The following PLEKHM1 variants were observed in gnomAD, a reference collection of about 807,000 sequenced individuals.
The protein encoded by PLEKHM1 is pleckstrin homology and RUN domain containing M1.
Under a neutral mutation model 94.3 loss-of-function variants are expected in PLEKHM1, and 28 were observed. The ratio of observed to expected loss-of-function variants is 0.30; its 90% confidence interval spans 0.22 to 0.41. The LOEUF (loss-of-function observed/expected upper bound fraction) is 0.41, where lower values mean the gene tolerates loss of function less well. PLEKHM1 is among the 10% of genes least tolerant of loss of function. The pLI is 1.00. For synonymous variants in PLEKHM1, 424 were observed against 581.2 expected (o/e 0.73, Z 3.89); for missense variants, 907 against 1,358.6 (o/e 0.67, Z 5.22).
At chr17:45,452,951 T>C in intron 7 of PLEKHM1, 1 of 347,838 alleles carries the variant, frequency 2.9e-6, no homozygotes, top group South Asian at 2.8e-5. Context: ...CACGAGCCCA[T>C]TTTTATAATT....
intron 9 of PLEKHM1, among the ~76,000 whole-genome samples, chr17:45,441,816 C>G (rs1233559049): frequency 6.6e-6 from 1 of 152,170 alleles, no homozygotes; most frequent in Non-Finnish European, 1.5e-5. Context: ...TGAGGAGAAC[C>G]CTCTTTGTCC....
In PLEKHM1 at chr17:45,468,377, C is replaced by A. The variant is rs142284543; in HGVS notation, c.1140G>T (p.Ala380=). The part of the protein sequence containing the change: ...GVHVQEPRPQ[A]PSPLDLQQPV... ...GCTGCTGTAAGTCCAGGGGGCTGGG[C>A]GCCTGGGGACGCGGCTCCTGCACGT... Residue 380 remains alanine, a synonymous_variant, in exon 5 of 12, where the codon GCG becomes GCT. Coordinates refer to ENST00000430334, the MANE Select transcript of PLEKHM1 (RefSeq NM_014798.3). The A allele has an allele frequency of 6.2e-7, 1 of 1,614,142 alleles. No individual in the cohort carries two copies.
chr17:45,451,370 G>A (rs1240021900), intron 7 of PLEKHM1, among the ~76,000 whole-genome samples: 5 of 152,164 alleles, frequency 3.3e-5, no homozygotes, highest in South Asian at 2.1e-4. Context: ...CTCCACAGCC[G>A]GAGCCAGTGG....
intron 9 of PLEKHM1, among the ~76,000 whole-genome samples, chr17:45,441,683 C>T (rs1172270168): frequency 6.6e-6 from 1 of 152,184 alleles, no homozygotes; most frequent in East Asian, 1.9e-4. Flanking sequence ...CAGTCAAGGC[C>T]AGAGGGGAGA....
chr17:45,451,479 G>A (rs992060273), intron 7 of PLEKHM1, among the ~76,000 whole-genome samples: 5 of 152,174 alleles, frequency 3.3e-5, no homozygotes, highest in Admixed American at 1.3e-4. Flanking sequence ...AAGGGTCCCC[G>A]GGCCTTGGGA....
chr17:45,460,652 G>A (rs897623438), intron 5 of PLEKHM1, among the ~76,000 whole-genome samples: 28 of 152,178 alleles, frequency 1.8e-4, no homozygotes, highest in African/African-American at 6.8e-4. Context: ...GACTGCCCAG[G>A]CTCAAGCAAT....
Position 45,436,168 on chromosome 17 carries a change from G to A in PLEKHM1, c.*1690C>T, listed in dbSNP as rs1397826670. 1 of 455,212 alleles carries A rather than the reference G, an allele frequency of 2.2e-6. No homozygotes were observed. Among genetic ancestry groups the A allele is most frequent in the African/African-American group, 2.0e-5 (1 of 50,060 alleles). 28.2% of individuals were successfully genotyped at this position (455,212 alleles called of 1,614,324 possible). A position where few individuals can be genotyped will look rare whatever the true frequency, so the allele number is the denominator to read the frequency against. On this transcript the variant is annotated 3_prime_UTR_variant, in exon 12 of 12. Coordinates refer to ENST00000430334, the MANE Select transcript of PLEKHM1 (RefSeq NM_014798.3). ...TGCTGCCTCCGAGGGCACCTTCGGG[G>A]AGAATCCTCACAGGCCCAAGCCCTC... is the stretch of plus-strand genomic sequence containing the variant.
In PLEKHM1 at chr17:45,439,678, T is replaced by G. The variant is rs550465180; in HGVS notation, c.2902-44A>C. Reference sequence around the variant, plus strand: ...AATCCTTCATACACCCCGTCTGCGATCTGCGGAGGGCTGGTAAACTGAGGC... The same window carrying G: ...AATCCTTCATACACCCCGTCTGCGAGCTGCGGAGGGCTGGTAAACTGAGGC... On this transcript the variant is annotated intron_variant, in intron 10 of 11. Coordinates refer to ENST00000430334, the MANE Select transcript of PLEKHM1 (RefSeq NM_014798.3). 3.1e-5 allele frequency: 50 copies of G among 1,610,900 alleles called. No homozygotes were observed. In the South Asian group the frequency reaches 5.3e-4, roughly 17 times the overall value.
intron 5 of PLEKHM1, among the ~76,000 whole-genome samples, chr17:45,466,634 TAAGCAAATGA>T (rs918994787): frequency 1.3e-5 from 2 of 152,060 alleles, no homozygotes; most frequent in Admixed American, 6.6e-5. Context: ...GACTGGCCAA[TAAGCAAATGA>T]AAAGGTATCA....
chr17:45,467,043 G>A (rs961708389), intron 5 of PLEKHM1, among the ~76,000 whole-genome samples: 1 of 152,200 alleles, frequency 6.6e-6, no homozygotes, highest in African/African-American at 2.4e-5. Context: ...ATGGAATACT[G>A]CAGAACAATG....
rs556167595 is a variant in PLEKHM1, at chr17:45,440,367, G to C, written c.2838-141C>G. On this transcript the variant is annotated intron_variant, in intron 9 of 11. Transcript: ENST00000430334. ...GGGGCAGGGGCTAGGAGTGTAATTCGGCCTGCCTGGGCTTGGGGCCTGGTC... is the reference window on the plus strand; with the variant it reads ...GGGGCAGGGGCTAGGAGTGTAATTCCGCCTGCCTGGGCTTGGGGCCTGGTC... The C allele has an allele frequency of 1.8e-5, 14 of 785,210 alleles. No homozygotes were observed. The South Asian group carries it at 2.0e-4, about 11-fold the overall frequency. The allele number at this position is 785,210 out of a possible 1,614,324, so 48.6% of individuals were successfully genotyped here.
At chr17:45,448,718 C>A (rs1021488706) in intron 8 of PLEKHM1, among the ~76,000 whole-genome samples, 2 of 152,086 alleles carry the variant, frequency 1.3e-5, no homozygotes, top group Non-Finnish European at 2.9e-5. Context: ...TGTTGTTAAC[C>A]CTCCTTTTAC....
At position 45,453,131 on chromosome 17, in the gene PLEKHM1, G is replaced by A. The variant is rs2050821159; in HGVS notation, c.2497+224C>T. ...CGCCCATCAGTGGGAGGTGGCAGGA[G>A]AGGGACGGGTGAGCAGGGCCCACTG... On this transcript the variant is annotated intron_variant, in intron 7 of 11. Coordinates refer to ENST00000430334, the MANE Select transcript of PLEKHM1 (RefSeq NM_014798.3). This position sits in a 1 kb window ranked among gnomAD's most constrained non-coding sequence, Gnocchi z 4.1. The A allele has an allele frequency of 1.6e-6, 1 of 619,852 alleles. No individual in the cohort carries two copies. The highest frequency in any genetic ancestry group is 1.9e-5 in the South Asian group (1 of 53,288). The allele number at this position is 619,852 out of a possible 1,614,324, so 38.4% of individuals were successfully genotyped here.
chr17:45,485,635 C>T (rs959876116), intron 1 of PLEKHM1, among the ~76,000 whole-genome samples: 1 of 152,134 alleles, frequency 6.6e-6, no homozygotes, highest in Non-Finnish European at 1.5e-5. Context: ...CCGTGGCCCA[C>T]ACCTGTAATC....
intron 5 of PLEKHM1, among the ~76,000 whole-genome samples, chr17:45,458,982 G>C (rs1462338674): frequency 6.6e-6 from 1 of 151,674 alleles, no homozygotes; most frequent in African/African-American, 2.4e-5. Context: ...AAAATAACTA[G>C]CTGGGTGTGA....
chr17:45,488,000 G>T, intron 1 of PLEKHM1: 1 of 348,624 alleles, frequency 2.9e-6, no homozygotes, highest in South Asian at 2.2e-5. Context: ...GCATGTGAGT[G>T]CTGACTGAGG....
Position 45,453,702 on chromosome 17 carries a change from T to C in PLEKHM1, c.2150A>G (p.Asn717Ser), listed in dbSNP as rs770268311. The change falls in exon 7 of 12, where the codon AAC becomes AGC. Residue 717 changes from asparagine to serine, a missense_variant. Transcript: ENST00000430334. This position sits in a 1 kb window ranked among gnomAD's most constrained non-coding sequence, Gnocchi z 4.1. Reference protein sequence around the residue: ...LEALKCFRIRNNEKMLSDSHG... With the variant: ...LEALKCFRIRSNEKMLSDSHG... ...GCTGTCACTCAGCATCTTCTCATTG[T>C]TCCTGATGCGGAAACATTTCAGAGC... 3 of 1,613,858 alleles carry C rather than the reference T, an allele frequency of 1.9e-6. No individual in the cohort carries two copies. In the South Asian group the frequency reaches 3.3e-5, roughly 18 times the overall value.
At chr17:45,484,500 C>G (rs2052049263) in intron 1 of PLEKHM1, among the ~76,000 whole-genome samples, 1 of 152,162 alleles carries the variant, frequency 6.6e-6, no homozygotes, top group Non-Finnish European at 1.5e-5. Context: ...TCCACCTTAC[C>G]CTGTCCCCAC....
intron 6 of PLEKHM1, chr17:45,454,771 T>C: frequency 4.2e-6 from 1 of 240,712 alleles, no homozygotes; most frequent in Non-Finnish European, 8.2e-6. Flanking sequence ...CTCCATGCAC[T>C]TCCCTAATGA....
Sources: allele counts gnomAD v4.1 joint callset (sites outside exome capture counted in the v4.1 genomes callset), GRCh38; gene constraint gnomAD v4.1.1; non-coding constraint Gnocchi (gnomAD v3.1); transcripts MANE v1.5; gene names NCBI Gene and HGNC (gene_info 2026-07-23, HGNC 2026-07-21).